The following CACNA1D variants were observed in gnomAD, a reference collection of about 807,000 sequenced individuals.
CACNA1D encodes the protein calcium voltage-gated channel subunit alpha1 D, also known as voltage-dependent L-type calcium channel subunit alpha-1D.
In CACNA1D, 55 loss-of-function variants were observed where a neutral mutation model predicts 257.1. The ratio of observed to expected loss-of-function variants is 0.21; its 90% CI spans 0.17 to 0.27. The LOEUF is 0.27. Among genes scored for constraint, CACNA1D ranks in the 10% least tolerant of loss-of-function variants. CACNA1D has a pLI of 1.00. For missense variants in CACNA1D, 1,876 were observed against 2,784.0 expected, an observed-to-expected ratio of 0.67 and a Z score of 7.34; for synonymous variants, 980 against 1,014.9, an observed-to-expected ratio of 0.97 and a Z score of 0.65.
intron 8 of CACNA1D, among the ~76,000 whole-genome samples, chr3:53,694,989 G>A (rs531980772): frequency 2.0e-5 from 3 of 152,266 alleles, no homozygotes; most frequent in African/African-American, 7.2e-5. Flanking sequence ...AGTATGGGGC[G>A]CATACCATTG....
chr3:53,741,846 AT>A (rs2095121352), intron 21 of CACNA1D, among the ~76,000 whole-genome samples: 1 of 152,204 alleles, frequency 6.6e-6, no homozygotes, highest in Non-Finnish European at 1.5e-5. Context: ...TACTCTCCAC[AT>A]TTTTTAGTTG....
rs561362571 is a variant in CACNA1D, at chr3:53,715,911, A to G, written c.1391-2390A>G. Among the ~76,000 whole-genome samples, 21 of 152,288 alleles carry G rather than the reference A, an allele frequency of 1.4e-4. No individual in the cohort carries two copies. The East Asian group carries it at 4.1e-3, about 29-fold the overall frequency. ...AGGGAGCAACTAGAACATTTCATAC[A>G]CTAATAGTTGGCAGGGGGCCAGAAA... On this transcript the variant is annotated intron_variant, in intron 9 of 47. Coordinates refer to ENST00000350061, the MANE Select transcript of CACNA1D (RefSeq NM_001128840.3).
rs371749219 is a variant in CACNA1D at position 53,774,730 on chromosome 3, G to T, written c.4202+52G>T. On this transcript the variant is annotated intron_variant, in intron 34 of 47. Transcript: ENST00000350061. This position sits in a 1 kb window ranked among gnomAD's most constrained non-coding sequence, Gnocchi z 4.3. ...TCCTGGGCAGGGGGGTCCGCTAGGC[G>T]TGGGTCCAGAGGGACGGAGGACACA... 6.5e-5 allele frequency: 68 copies of T among 1,043,420 alleles called. No homozygotes were observed. In the African/African-American group the frequency reaches 1.0e-3, roughly 15 times the overall value. The allele number at this position is 1,043,420 out of a possible 1,614,324, so 64.6% of individuals were successfully genotyped here.
At chr3:53,805,756 C>A (rs1301569876) in intron 45 of CACNA1D, among the ~76,000 whole-genome samples, 1 of 146,540 alleles carries the variant, frequency 6.8e-6, no homozygotes, top group African/African-American at 2.5e-5. Context: ...ATCTTCCCTC[C>A]TCCTCCCTCA....
chr3:53,521,782 A>G (rs1487237282), intron 3 of CACNA1D, among the ~76,000 whole-genome samples: 1 of 152,190 alleles, frequency 6.6e-6, no homozygotes, highest in Non-Finnish European at 1.5e-5. Context: ...ACATGTCATT[A>G]TAAGAACTTA....
At chr3:53,582,373 T>G (rs1157805985) in intron 3 of CACNA1D, among the ~76,000 whole-genome samples, 2 of 152,120 alleles carry the variant, frequency 1.3e-5, no homozygotes, top group Non-Finnish European at 2.9e-5. Context: ...TAGCTCAGTT[T>G]ATAAAGTGGC....
chr3:53,509,335 G>A (rs1212607592), intron 3 of CACNA1D, among the ~76,000 whole-genome samples: 2 of 152,086 alleles, frequency 1.3e-5, no homozygotes, highest in Non-Finnish European at 2.9e-5. Flanking sequence ...TCATGAGTGT[G>A]TGAGTTAGGG....
Position 53,726,915 on chromosome 3 carries a change from G to A in CACNA1D, c.2137G>A (p.Asp713Asn), listed in dbSNP as rs760977697. The change falls in exon 15 of 48, where the codon GAT (aspartate) becomes AAT (asparagine). Residue 713 changes from aspartate (D) to asparagine (N), a missense_variant. Asp to Asn is a conservative substitution (Grantham distance 23). Around this residue, in one of 10 missense-constraint regions of CACNA1D, gnomAD observed 257 missense variants for 399.7 expected, o/e 0.64. Coordinates refer to ENST00000350061, the MANE Select transcript of CACNA1D (RefSeq NM_001128840.3). Reference sequence around the variant, plus strand: ...CGAAGACTGGAATGCTGTGATGTACGATGGCATCATGGCTTACGGGGGCCC... The same window carrying A: ...CGAAGACTGGAATGCTGTGATGTACAATGGCATCATGGCTTACGGGGGCCC... Reference protein sequence around the residue: ...TGEDWNAVMYDGIMAYGGPSS... With the variant: ...TGEDWNAVMYNGIMAYGGPSS... 20 of 1,614,046 alleles carry A rather than the reference G, an allele frequency of 1.2e-5. No homozygotes were observed. Among genetic ancestry groups the A allele is most frequent in the South Asian group, 3.3e-5 (3 of 91,082 alleles).
rs896744937 is a variant in CACNA1D at position 53,777,079 on chromosome 3, A to G, written c.4587+123A>G. The stretch of plus-strand genomic sequence containing the variant: ...TGCTAGGGATGCAGCAATGAATAAT[A>G]TGTGGTTCCTACCTCTGGGGAAATC... On this transcript the variant is annotated intron_variant, in intron 37 of 47. Transcript: ENST00000350061. 11 of 754,966 alleles carry G rather than the reference A, an allele frequency of 1.5e-5. No homozygotes were observed. In the South Asian group the frequency reaches 1.5e-4, roughly 10 times the overall value. The allele number at this position is 754,966 out of a possible 1,614,324, so 46.8% of individuals were successfully genotyped here.
At chr3:53,769,852 G>A in intron 30 of CACNA1D, 121 bp from the exon 31 acceptor site, 1 of 815,318 alleles carries the variant, frequency 1.2e-6, no homozygotes, top group South Asian at 1.4e-5. Flanking sequence ...TTCTCAGGGA[G>A]GGAGCAGGTG....
At chr3:53,521,448 C>T (rs1442790865) in intron 3 of CACNA1D, among the ~76,000 whole-genome samples, 1 of 152,120 alleles carries the variant, frequency 6.6e-6, no homozygotes, top group Non-Finnish European at 1.5e-5. Context: ...TTCAAGGTTG[C>T]CTGTTCCAAC....
intron 3 of CACNA1D, among the ~76,000 whole-genome samples, chr3:53,611,863 C>T (rs1400360018): frequency 6.6e-6 from 1 of 152,154 alleles, no homozygotes; most frequent in African/African-American, 2.4e-5. Flanking sequence ...ACACAACTCT[C>T]CTAATGTATC....
chr3:53,629,458 T>C (rs1306357366), intron 3 of CACNA1D, among the ~76,000 whole-genome samples: 1 of 152,226 alleles, frequency 6.6e-6, no homozygotes, highest in Non-Finnish European at 1.5e-5. Flanking sequence ...AAATACAGAA[T>C]GAAAGCATCC....
chr3:53,763,959 A>C (rs1312419157), intron 30 of CACNA1D, among the ~76,000 whole-genome samples: 1 of 152,212 alleles, frequency 6.6e-6, no homozygotes, highest in African/African-American at 2.4e-5. Flanking sequence ...TTAGGGAGAT[A>C]CAAGTTTTGT....
At position 53,749,316 on chromosome 3, in the gene CACNA1D, C is replaced by T. The variant is rs759549728; in HGVS notation, c.3363C>T (p.Ile1121=). The T allele has an allele frequency of 1.2e-6, 2 of 1,614,000 alleles. No homozygotes were observed. Among genetic ancestry groups the T allele is most frequent in the South Asian group, 2.2e-5 (2 of 91,074 alleles). Residue 1121 remains isoleucine, a synonymous_variant, in exon 27 of 48, where the codon ATC becomes ATT. Transcript: ENST00000350061. The part of the protein sequence containing the change: ...IDSNGENIGP[I]YNHRVEISIF... ...CGAATGGAGAGAACATCGGCCCAAT[C>T]TACAACCACCGCGTGGAGATCTCCA...
intron 33 of CACNA1D, 93 bp downstream of exon 33, chr3:53,772,991 T>C (rs1197226381): frequency 4.5e-6 from 5 of 1,101,918 alleles, no homozygotes; most frequent in Non-Finnish European, 7.0e-6. Context: ...AGTAGAAGCA[T>C]TGTGATTTTT....
In CACNA1D at chr3:53,745,819, C is replaced by T; in HGVS notation, c.3115-4C>T. The T allele has an allele frequency of 6.2e-7, 1 of 1,612,428 alleles. No individual in the cohort carries two copies. Among genetic ancestry groups the T allele is most frequent in the Non-Finnish European group, 8.5e-7 (1 of 1,178,488 alleles). On this transcript the variant is annotated splice_polypyrimidine_tract_variant and splice_region_variant and intron_variant, in intron 24 of 47. Coordinates refer to ENST00000350061, the MANE Select transcript of CACNA1D (RefSeq NM_001128840.3). Reference sequence around the variant, plus strand: ...ACTTAACTGCCTGTCTATTTTATACCCAGGGGAAGTTCTATCGCTGTACGG... The same window carrying T: ...ACTTAACTGCCTGTCTATTTTATACTCAGGGGAAGTTCTATCGCTGTACGG...
At chr3:53,703,918 G>A (rs1467567518) in intron 9 of CACNA1D, among the ~76,000 whole-genome samples, 6 of 152,328 alleles carry the variant, frequency 3.9e-5, no homozygotes, top group African/African-American at 1.4e-4. Context: ...GAGGGATCGA[G>A]GACAGGGCTG....
chr3:53,801,741 G>T (rs1474337450), intron 42 of CACNA1D, among the ~76,000 whole-genome samples: 1 of 152,202 alleles, frequency 6.6e-6, no homozygotes, highest in Non-Finnish European at 1.5e-5. Context: ...TTGGTGAATT[G>T]TTTCTCTAAA....
Sources: gnomAD v4.1 joint callset for allele counts (sites outside exome capture counted in the v4.1 genomes callset) on GRCh38, gnomAD v4.1.1 for gene constraint, gnomAD v4.1.1 regional missense constraint, Gnocchi (gnomAD v3.1) non-coding constraint, MANE v1.5 for transcripts, NCBI Gene and HGNC (gene_info 2026-07-23, HGNC 2026-07-21) for gene names.